The following COL12A1 variants were observed in gnomAD, a reference collection of about 807,000 sequenced individuals.
The protein encoded by COL12A1 is collagen alpha-1(XII) chain.
In COL12A1, 114 loss-of-function variants were observed where a neutral mutation model predicts 349.7. The observed-to-expected ratio is 0.33, with a 90% CI of 0.28 to 0.38. The LOEUF (loss-of-function observed/expected upper bound fraction) is 0.38. Ranked by LOEUF, COL12A1 falls within the 10% of genes least tolerant of loss-of-function variation. COL12A1 has a pLI of 1.00. For synonymous variants in COL12A1, 1,369 were observed against 1,329.0 expected, an observed-to-expected ratio of 1.03 and a Z score of -0.66; for missense variants, 3,284 against 3,756.9, an observed-to-expected ratio of 0.87 and a Z score of 3.29.
intron 8 of COL12A1, among the ~76,000 whole-genome samples, chr6:75,186,045 A>G (rs1336240457): frequency 6.6e-6 from 1 of 152,218 alleles, no homozygotes; most frequent in African/African-American, 2.4e-5. Flanking sequence ...ACCATTCAGG[A>G]CATAGGCCCT....
At chr6:75,142,338 G>GA (rs374702942) in intron 26 of COL12A1, among the ~76,000 whole-genome samples, 177 bp from the exon 27 acceptor site, 6 of 151,590 alleles carry the variant, frequency 4.0e-5, no homozygotes, top group Middle Eastern at 3.2e-3. Flanking sequence ...TTCCAAACTG[G>GA]AAAAAAAATG....
rs768782985 is a variant in COL12A1 at position 75,101,657 on chromosome 6, C to A, written c.8470-4G>T. On this transcript the variant is annotated splice_polypyrimidine_tract_variant and splice_region_variant and intron_variant, in intron 57 of 65. Coordinates refer to ENST00000322507, the MANE Select transcript of COL12A1 (RefSeq NM_004370.6). ...GGCCAGGTAATCCTGGGGTTCCCTG[C>A]ACAGAAGGAAACAAACAAGTGAAAC... 2.5e-6 allele frequency: 4 copies of A among 1,613,106 alleles called. No homozygotes were observed. The African/African-American group carries it at 4.0e-5, about 16-fold the overall frequency.
intron 1 of COL12A1, among the ~76,000 whole-genome samples, chr6:75,203,621 T>A (rs1770635510): frequency 2.0e-5 from 3 of 152,256 alleles, no homozygotes. Context: ...GGAGAATATG[T>A]TCTGTTCCGA....
intron 41 of COL12A1, 27 bp downstream of exon 41, chr6:75,124,228 T>C (rs369974655): frequency 6.2e-7 from 1 of 1,603,888 alleles, no homozygotes; most frequent in East Asian, 2.2e-5. Flanking sequence ...ATGCTCCAGA[T>C]CATTTTTTTC....
intron 31 of COL12A1, among the ~76,000 whole-genome samples, chr6:75,136,391 A>G (rs555163369): frequency 4.1e-4 from 62 of 152,306 alleles, no homozygotes; most frequent in African/African-American, 1.5e-3. Context: ...AAAAGCCTCA[A>G]AAGACCAACT....
At chr6:75,172,932 C>T (rs1407992979) in intron 13 of COL12A1, among the ~76,000 whole-genome samples, 1 of 152,172 alleles carries the variant, frequency 6.6e-6, no homozygotes, top group Non-Finnish European at 1.5e-5. Flanking sequence ...GGGCCGACTG[C>T]CGGACTTGAG....
At chr6:75,203,864 A>G (rs1303569219) in intron 1 of COL12A1, among the ~76,000 whole-genome samples, 1 of 152,224 alleles carries the variant, frequency 6.6e-6, no homozygotes, top group Non-Finnish European at 1.5e-5. Context: ...ATTTATTGTA[A>G]GCCAACAGCC....
rs1766274789 is a variant in COL12A1 at position 75,130,973 on chromosome 6, CACT to C, written c.5943_5945del (p.Val1982del). 6.2e-7 allele frequency: 1 copy of C among 1,614,004 alleles called. No homozygotes were observed. Among genetic ancestry groups the C allele is most frequent in the Admixed American group, 1.7e-5 (1 of 59,996 alleles). On this transcript the variant is annotated inframe_deletion, in exon 36 of 66. Coordinates refer to ENST00000322507, the MANE Select transcript of COL12A1 (RefSeq NM_004370.6). ...GATGCACCATGCGCGTGTTTCCTGG[CACT>C]ACTATCTGCAGGAGAGGAAATGCCA...
chr6:75,142,245 G>C (rs539281840), intron 26 of COL12A1, 84 bp from the exon 27 acceptor site: 10 of 1,478,784 alleles, frequency 6.8e-6, no homozygotes, highest in Middle Eastern at 4.2e-4. Flanking sequence ...ACCTGTCAGC[G>C]TAAGAATATA....
At chr6:75,120,713 G>A (rs1484190158) in intron 44 of COL12A1, among the ~76,000 whole-genome samples, 5 of 152,142 alleles carry the variant, frequency 3.3e-5, no homozygotes. Flanking sequence ...TTTATTCTTT[G>A]AGGCCCCTCC....
rs144279620 is a variant in COL12A1, at chr6:75,178,856, A to C, written c.2165-921T>G. Among the ~76,000 whole-genome samples the C allele has an allele frequency of 2.4e-3, 371 of 152,330 alleles. 3 individuals carry two copies. The highest frequency in any genetic ancestry group is 8.6e-3 in the African/African-American group (356 of 41,578). On this transcript the variant is annotated intron_variant, in intron 11 of 65. Transcript: ENST00000322507. Reference sequence around the variant, plus strand: ...ATCTCTCTAGAAGAGAAAGGAAGGAAGTATATCTCTCCAGGAAAGAAAGAA... The same window carrying C: ...ATCTCTCTAGAAGAGAAAGGAAGGACGTATATCTCTCCAGGAAAGAAAGAA...
Position 75,201,594 on chromosome 6 carries a change from T to C in COL12A1, c.73+1126A>G, listed in dbSNP as rs147180447. On this transcript the variant is annotated intron_variant, in intron 2 of 65. Transcript: ENST00000322507. ...TGTCACTTGGCAGAAGTGTTTTTTT[T>C]CCTCCCTTAACTTCATCAGGGGTAT... Among the ~76,000 whole-genome samples, 1,045 of 151,946 alleles carry C rather than the reference T, an allele frequency of 6.9e-3. 4 individuals carry two copies. The highest frequency in any genetic ancestry group is 0.01 in the Non-Finnish European group (710 of 67,982).
At chr6:75,192,443 A>T in intron 3 of COL12A1, 88 bp from the exon 4 acceptor site, 1 of 1,228,768 alleles carries the variant, frequency 8.1e-7, no homozygotes, top group Non-Finnish European at 1.1e-6. Context: ...GGTACTCAAA[A>T]TCTGAAAAAT....
intron 49 of COL12A1, among the ~76,000 whole-genome samples, chr6:75,114,270 C>T (rs561733976): frequency 1.1e-4 from 16 of 151,960 alleles, no homozygotes; most frequent in South Asian, 4.2e-4. Flanking sequence ...CCAAATTTCT[C>T]CCCTGAAATC....
At chr6:75,200,158 G>T (rs577061360) in intron 2 of COL12A1, among the ~76,000 whole-genome samples, 1 of 152,174 alleles carries the variant, frequency 6.6e-6, no homozygotes, top group East Asian at 1.9e-4. Flanking sequence ...AGTGACCCCA[G>T]AAAGGCTTTG....
chr6:75,192,496 A>C, intron 3 of COL12A1, 141 bp from the exon 4 acceptor site: 1 of 697,734 alleles, frequency 1.4e-6, no homozygotes, highest in Non-Finnish European at 2.2e-6. Context: ...ATTATTTTTT[A>C]CTGCCTTCCA....
intron 14 of COL12A1, 35 bp from the exon 15 acceptor site, chr6:75,156,558 T>C (rs201381822): frequency 6.9e-6 from 11 of 1,594,840 alleles, no homozygotes; most frequent in African/African-American, 1.4e-5. Context: ...CTGTATACCA[T>C]GTTGAAAAAA....
At chr6:75,202,615 C>G (rs528884523) in intron 2 of COL12A1, 105 bp downstream of exon 2, 1 of 1,142,110 alleles carries the variant, frequency 8.8e-7, no homozygotes, top group Non-Finnish European at 1.3e-6. Flanking sequence ...GGAGAAAGCA[C>G]GAAGCGCAGG....
intron 2 of COL12A1, among the ~76,000 whole-genome samples, chr6:75,199,888 G>T (rs1998454): frequency 6.6e-6 from 1 of 152,094 alleles, no homozygotes; most frequent in African/African-American, 2.4e-5. Flanking sequence ...AAAGAAGAAA[G>T]GCAAAAAGTG....
Sources: allele counts gnomAD v4.1 joint callset (sites outside exome capture counted in the v4.1 genomes callset), GRCh38; gene constraint gnomAD v4.1.1; transcripts MANE v1.5; gene names NCBI Gene and HGNC (gene_info 2026-07-23, HGNC 2026-07-21).